Variants in LDLRAD4 observed in about 807,000 individuals in gnomAD.
LDLRAD4 encodes the protein low-density lipoprotein receptor class A domain-containing protein 4.
Under a neutral mutation model 17.0 loss-of-function variants are expected in LDLRAD4, and 5 were observed. That is an observed-to-expected ratio of 0.29 (90% confidence interval 0.15 to 0.62). LDLRAD4 has a LOEUF of 0.62. Among genes scored for constraint, LDLRAD4 ranks in the 20% least tolerant of loss-of-function variants. The pLI is 0.84. For missense variants in LDLRAD4, 340 were observed against 424.7 expected, an observed-to-expected ratio of 0.80 and a Z score of 1.75; for synonymous variants, 168 against 171.8, an observed-to-expected ratio of 0.98 and a Z score of 0.17.
intron 1 of LDLRAD4, among the ~76,000 whole-genome samples, chr18:13,356,871 C>T (rs1484844229): frequency 3.3e-5 from 5 of 152,196 alleles, no homozygotes; most frequent in East Asian, 1.9e-4. Flanking sequence ...CATTGGCTCA[C>T]GCCTGTAATC....
intron 3 of LDLRAD4, among the ~76,000 whole-genome samples, chr18:13,607,007 G>A (rs2095230932): frequency 6.6e-6 from 1 of 152,130 alleles, no homozygotes; most frequent in South Asian, 2.1e-4. Flanking sequence ...CAAAAAATCG[G>A]GTAATCAGGC....
chr18:13,515,724 T>C (rs1421645399), intron 3 of LDLRAD4: 3 of 152,234 alleles, frequency 2.0e-5, no homozygotes, highest in Non-Finnish European at 4.4e-5. Flanking sequence ...ATTTCTAAAT[T>C]ATATTACGAT....
At chr18:13,394,164 T>A (rs2086481907) in intron 2 of LDLRAD4, among the ~76,000 whole-genome samples, 1 of 152,230 alleles carries the variant, frequency 6.6e-6, no homozygotes, top group Admixed American at 6.5e-5. Flanking sequence ...GCCTCGAATC[T>A]AGTCCTCAGT....
At chr18:13,377,712 C>T (rs116381768) in intron 1 of LDLRAD4, among the ~76,000 whole-genome samples, 14 of 152,258 alleles carry the variant, frequency 9.2e-5, no homozygotes, top group Admixed American at 1.3e-4. Flanking sequence ...GTCATCATTC[C>T]GCCAGAGCAC....
At chr18:13,360,422 G>A (rs1005833428) in intron 1 of LDLRAD4, among the ~76,000 whole-genome samples, 3 of 152,308 alleles carry the variant, frequency 2.0e-5, no homozygotes, top group South Asian at 4.1e-4. Context: ...ATAAAGCAGC[G>A]CTCACCTGCC....
At chr18:13,383,326 G>C in intron 1 of LDLRAD4, among the ~76,000 whole-genome samples, 1 of 152,234 alleles carries the variant, frequency 6.6e-6, no homozygotes, top group Non-Finnish European at 1.5e-5. Flanking sequence ...CATGGCACTT[G>C]TGGGGGAGAC....
intron 3 of LDLRAD4, among the ~76,000 whole-genome samples, chr18:13,513,596 A>G (rs2093816529): frequency 6.6e-6 from 1 of 152,188 alleles, no homozygotes; most frequent in Non-Finnish European, 1.5e-5. Flanking sequence ...ACAGGCTTCC[A>G]CCTTCATCGT....
At chr18:13,505,715 G>A (rs2093680500) in intron 3 of LDLRAD4, among the ~76,000 whole-genome samples, 1 of 152,170 alleles carries the variant, frequency 6.6e-6, no homozygotes, top group Admixed American at 6.5e-5. Flanking sequence ...CTACTCGGGA[G>A]GCTGAGGGAG....
chr18:13,621,017 G>C lies in LDLRAD4; in HGVS notation c.182-100G>C. On this transcript the variant is annotated intron_variant, in intron 3 of 5. Transcript: ENST00000359446. This position sits in a 1 kb window ranked among gnomAD's most constrained non-coding sequence, Gnocchi z 5.5. ...GCCTCTGAGGAACAGACGTGTGTGA[G>C]AGGCCTTCAGGGCCTGATGGCTGGG... 4 of 1,523,284 alleles carry C rather than the reference G, an allele frequency of 2.6e-6. No homozygotes were observed. Among genetic ancestry groups the C allele is most frequent in the Non-Finnish European group, 3.6e-6 (4 of 1,105,896 alleles). The allele number at this position is 1,523,284 out of a possible 1,614,324, so 94.4% of individuals were successfully genotyped here.
chr18:13,400,412 A>G (rs1345879452), intron 2 of LDLRAD4, among the ~76,000 whole-genome samples: 1 of 152,204 alleles, frequency 6.6e-6, no homozygotes, highest in African/African-American at 2.4e-5. Flanking sequence ...GGCTTGGGTC[A>G]GAGTCCAGGG....
Position 13,465,495 on chromosome 18 carries a change from C to T in LDLRAD4, c.181+27111C>T, listed in dbSNP as rs77239940. Among the ~76,000 whole-genome samples, 181 of 152,284 alleles carry T rather than the reference C, an allele frequency of 1.2e-3. 4 individuals are homozygous for T. The East Asian group carries it at 0.029, about 24-fold the overall frequency. On this transcript the variant is annotated intron_variant, in intron 3 of 5. Coordinates refer to ENST00000359446, the Ensembl canonical transcript of LDLRAD4. ...AATGAGTAAAGGGGAGATGGGCATA[C>T]GAAAGGCTGCATGTGTTGAGCATTT...
At chr18:13,407,183 C>T (rs1405480471) in intron 2 of LDLRAD4, among the ~76,000 whole-genome samples, 4 of 152,122 alleles carry the variant, frequency 2.6e-5, no homozygotes, top group Non-Finnish European at 5.9e-5. Flanking sequence ...CATGAGTGTG[C>T]GACACTGCTG....
intron 3 of LDLRAD4, among the ~76,000 whole-genome samples, chr18:13,483,517 A>G (rs1343686595): frequency 3.3e-5 from 5 of 152,160 alleles, no homozygotes; most frequent in Non-Finnish European, 5.9e-5. Context: ...TTCAGCCAGC[A>G]TGGTGGGTGG....
At chr18:13,637,357 G>A (rs1181720654) in intron 4 of LDLRAD4, among the ~76,000 whole-genome samples, 1 of 152,102 alleles carries the variant, frequency 6.6e-6, no homozygotes, top group African/African-American at 2.4e-5. Context: ...AGTAGCCAGA[G>A]CCAGAGAAGA....
In LDLRAD4 at chr18:13,645,004, T is replaced by C. The variant is rs199600839; in HGVS notation, c.391-123T>C. The C allele has an allele frequency of 1.2e-5, 9 of 730,322 alleles. No homozygotes were observed. Among genetic ancestry groups the C allele is most frequent in the Admixed American group, 2.7e-5 (1 of 37,336 alleles). The allele number at this position is 730,322 out of a possible 1,614,324, so 45.2% of individuals were successfully genotyped here. A position where few individuals can be genotyped will look rare whatever the true frequency, so the allele number is the denominator to read the frequency against. Reference sequence around the variant, plus strand: ...GATTTTCCTGTTTTCTTTTTTTTTTTCCTGGGAGATGGTGTTCAAACTGGT... The same window carrying C: ...GATTTTCCTGTTTTCTTTTTTTTTTCCCTGGGAGATGGTGTTCAAACTGGT... On this transcript the variant is annotated intron_variant, in intron 5 of 5. Coordinates refer to ENST00000359446, the Ensembl canonical transcript of LDLRAD4. This position sits in a 1 kb window ranked among gnomAD's most constrained non-coding sequence, Gnocchi z 5.7.
intron 1 of LDLRAD4, among the ~76,000 whole-genome samples, chr18:13,322,552 AGCCTCCCAAAGT>A (rs2081314129): frequency 1.3e-5 from 2 of 151,082 alleles, no homozygotes; most frequent in South Asian, 2.1e-4. Flanking sequence ...CACCTGCCTC[AGCCTCCCAAAGT>A]GCCTCCCAAA....
intron 1 of LDLRAD4, among the ~76,000 whole-genome samples, chr18:13,378,728 C>T (rs1036370134): frequency 1.3e-5 from 2 of 152,162 alleles, no homozygotes; most frequent in Non-Finnish European, 2.9e-5. Flanking sequence ...AAAAACCTCA[C>T]CCACACACTT....
rs2086863526 is a variant in LDLRAD4, at chr18:13,398,230, T to C, written c.40+10468T>C. On this transcript the variant is annotated intron_variant, in intron 2 of 5. Coordinates refer to ENST00000359446, the Ensembl canonical transcript of LDLRAD4. The surrounding 1 kb of genome is among the most constrained non-coding windows in gnomAD (Gnocchi z 4.8). ...CGCAAATACTAAGCATTTGATGGGG[T>C]TGTCTGTGTTCTAAGTTGGAAAATA... Among the ~76,000 whole-genome samples the C allele has an allele frequency of 6.6e-6, 1 of 152,092 alleles. No individual in the cohort carries two copies. Among genetic ancestry groups the C allele is most frequent in the Non-Finnish European group, 1.5e-5 (1 of 68,016 alleles).
chr18:13,477,144 T>G (rs1411363725), intron 3 of LDLRAD4, among the ~76,000 whole-genome samples: 2 of 152,208 alleles, frequency 1.3e-5, no homozygotes, highest in African/African-American at 2.4e-5. Context: ...CCAGGAGGAT[T>G]GGGCCCTAAT....
Sources: gnomAD v4.1 joint callset for allele counts (sites outside exome capture counted in the v4.1 genomes callset) on GRCh38, gnomAD v4.1.1 for gene constraint, Gnocchi (gnomAD v3.1) non-coding constraint, MANE v1.5 for transcripts, NCBI Gene and HGNC (gene_info 2026-07-23, HGNC 2026-07-21) for gene names.